The following IGSF5 variants were observed in gnomAD, a reference collection of about 807,000 sequenced individuals.
The protein encoded by IGSF5 is immunoglobulin superfamily member 5, also known as immunoglobulin superfamily 5 like.
Under a neutral mutation model 39.4 loss-of-function variants are expected in IGSF5, and 41 were observed. The observed-to-expected ratio is 1.04, with a 90% CI of 0.81 to 1.35. The LOEUF (loss-of-function observed/expected upper bound fraction) is 1.35, where lower values mean the gene tolerates loss of function less well. Ranked by LOEUF, IGSF5 falls within the 40% of genes most tolerant of loss-of-function variation. The pLI, the probability that IGSF5 is intolerant of heterozygous loss-of-function variation, is 0.00. For missense variants in IGSF5, 487 were observed against 494.6 expected (o/e 0.98, Z 0.15); for synonymous variants, 183 against 175.3 (o/e 1.04, Z -0.34).
intron 6 of IGSF5, among the ~76,000 whole-genome samples, chr21:39,789,997 G>T (rs137886596): frequency 1.3e-5 from 2 of 152,150 alleles, no homozygotes; most frequent in Non-Finnish European, 1.5e-5. Context: ...GCTTGATCAG[G>T]TTTCACAAAA....
At chr21:39,737,634 C>G in the IGSF5 span, among the ~76,000 whole-genome samples, 1 of 152,170 alleles carries the variant, frequency 6.6e-6, no homozygotes, top group Non-Finnish European at 1.5e-5. Context: ...ATGCGCAGGG[C>G]GAGGGATGTG....
In IGSF5 at chr21:39,793,552, C is replaced by T. The variant is rs148668253; in HGVS notation, c.1067C>T (p.Pro356Leu). The T allele has an allele frequency of 2.0e-5, 33 of 1,613,934 alleles. No individual in the cohort carries two copies. In the African/African-American group the frequency reaches 3.3e-4, roughly 16 times the overall value. The change falls in exon 8 of 9, where the codon CCC becomes CTC. Residue 356 changes from proline to leucine, a missense_variant. By Grantham distance (98) the Pro-to-Leu change is moderately conservative. Coordinates refer to ENST00000380588, the MANE Select transcript of IGSF5 (RefSeq NM_001080444.2). ...QKTTDTASLP[P>L]KSCESSDPEQ... Reference sequence around the variant, plus strand: ...GTTGCAGACACCGCTTCTCTCCCTCCCAAATCCTGTGAATCCAGTGATCCT... The same window carrying T: ...GTTGCAGACACCGCTTCTCTCCCTCTCAAATCCTGTGAATCCAGTGATCCT...
At chr21:39,722,304 A>G in the IGSF5 span, among the ~76,000 whole-genome samples, 2 of 152,188 alleles carry the variant, frequency 1.3e-5, no homozygotes, top group African/African-American at 4.8e-5. Context: ...ACCCTCAGTC[A>G]TGCTGTCACC....
chr21:39,775,953 T>C (rs2146285382), intron 4 of IGSF5, among the ~76,000 whole-genome samples: 1 of 152,294 alleles, frequency 6.6e-6, no homozygotes, highest in East Asian at 1.9e-4. Flanking sequence ...GCCCTGTGGC[T>C]TCCTGTTCTG....
chr21:39,751,421 A>G (rs2080005104), intron 2 of IGSF5: 1 of 152,248 alleles, frequency 6.6e-6, no homozygotes, highest in Non-Finnish European at 1.5e-5. Flanking sequence ...ACAGGCCGTT[A>G]TCTGGGTTTC....
chr21:39,798,308 A>G (rs529778106), intron 8 of IGSF5, among the ~76,000 whole-genome samples: 17 of 152,320 alleles, frequency 1.1e-4, no homozygotes, highest in African/African-American at 4.1e-4. Flanking sequence ...GTACTCAGCA[A>G]TTCTGCTTTG....
intron 2 of IGSF5, among the ~76,000 whole-genome samples, chr21:39,749,591 CAT>C (rs2146270467): frequency 6.6e-6 from 1 of 152,300 alleles, no homozygotes; most frequent in East Asian, 1.9e-4. Flanking sequence ...GCCCTGAAAA[CAT>C]GTGCCCAAAG....
chr21:39,771,645 A>G (rs555638957), intron 4 of IGSF5, among the ~76,000 whole-genome samples: 12 of 152,278 alleles, frequency 7.9e-5, no homozygotes, highest in African/African-American at 2.9e-4. Flanking sequence ...TGGAATTATA[A>G]TGCTTCATTT....
At chr21:39,799,681 A>G (rs1216788513) in intron 8 of IGSF5, among the ~76,000 whole-genome samples, 1 of 152,086 alleles carries the variant, frequency 6.6e-6, no homozygotes, top group Non-Finnish European at 1.5e-5. Flanking sequence ...TGAGATGCTC[A>G]CGGTGGTGCC....
At chr21:39,731,242 C>T in the IGSF5 span, among the ~76,000 whole-genome samples, 1 of 152,070 alleles carries the variant, frequency 6.6e-6, no homozygotes, top group African/African-American at 2.4e-5. Flanking sequence ...GTCGGTTTAT[C>T]GCTTCTTGCA....
At chr21:39,785,189 C>T (rs912098560) in intron 5 of IGSF5, among the ~76,000 whole-genome samples, 1 of 141,820 alleles carries the variant, frequency 7.1e-6, no homozygotes, top group Non-Finnish European at 1.5e-5. Flanking sequence ...TATCTCTCCC[C>T]CCTCCCCCAA....
At chr21:39,723,112 T>C in the IGSF5 span, among the ~76,000 whole-genome samples, 9 of 152,192 alleles carry the variant, frequency 5.9e-5, no homozygotes, top group African/African-American at 2.2e-4. Context: ...GGGCACAACT[T>C]GTTGGTCCTT....
chr21:39,740,439 G>T (rs2079943664), upstream of IGSF5, among the ~76,000 whole-genome samples: 1 of 152,192 alleles, frequency 6.6e-6, no homozygotes, highest in Non-Finnish European at 1.5e-5. Flanking sequence ...ATTACTGCAT[G>T]GGCATGGAGG....
At chr21:39,742,126 C>T (rs2079951139), upstream of IGSF5, among the ~76,000 whole-genome samples, 2 of 151,648 alleles carry the variant, frequency 1.3e-5, no homozygotes, top group African/African-American at 4.8e-5. Flanking sequence ...CCTTCTGTTG[C>T]CCAGACTTCA....
At chr21:39,747,740 C>G (rs937093858) in intron 2 of IGSF5, among the ~76,000 whole-genome samples, 2 of 152,164 alleles carry the variant, frequency 1.3e-5, no homozygotes, top group Admixed American at 6.5e-5. Flanking sequence ...AGGTCATTAA[C>G]ATAATTTGTG....
At chr21:39,759,772 CAGG>C (rs1235741704) in intron 2 of IGSF5, among the ~76,000 whole-genome samples, 2 of 150,434 alleles carry the variant, frequency 1.3e-5, no homozygotes, top group Admixed American at 6.7e-5. Context: ...GAGGCTGAGG[CAGG>C]AGAATTGCTT....
intron 2 of IGSF5, among the ~76,000 whole-genome samples, chr21:39,758,594 T>G (rs2146275698): frequency 6.6e-6 from 1 of 152,312 alleles, no homozygotes; most frequent in African/African-American, 2.4e-5. Flanking sequence ...TGTGTGACAC[T>G]TCCTCTTCCT....
chr21:39,765,363 G>A (rs777560409), intron 2 of IGSF5, among the ~76,000 whole-genome samples, 172 bp from the exon 3 acceptor site: 27 of 152,124 alleles, frequency 1.8e-4, no homozygotes, highest in Admixed American at 6.5e-4. Flanking sequence ...GGCTTCCACC[G>A]GAAGCACCTG....
chr21:39,755,126 A>C (rs1399205502), intron 2 of IGSF5, among the ~76,000 whole-genome samples: 1 of 152,082 alleles, frequency 6.6e-6, no homozygotes, highest in Non-Finnish European at 1.5e-5. Context: ...ACCTTAATCT[A>C]TTGCTGTGTC....
Sources: allele counts gnomAD v4.1 joint callset (sites outside exome capture counted in the v4.1 genomes callset), GRCh38; gene constraint gnomAD v4.1.1; transcripts MANE v1.5; gene names NCBI Gene and HGNC (gene_info 2026-07-23, HGNC 2026-07-21).